POTEJ: variants seen among roughly 807,000 people sequenced by gnomAD.
POTEJ encodes the protein POTE ankyrin domain family, member J.
POTEJ carries 11 observed loss-of-function variants against 69.0 expected under a neutral mutation model. The observed-to-expected ratio is 0.16, with a 90% CI of 0.10 to 0.26. POTEJ has a LOEUF of 0.26. Among genes scored for constraint, POTEJ ranks in the 10% least tolerant of loss-of-function variants. The probability of loss-of-function intolerance (pLI) is 1.00; values close to 1 mark genes in which losing one functional copy is unlikely to be tolerated. For synonymous variants in POTEJ, 117 were observed against 381.1 expected (o/e 0.31, Z 8.07); for missense variants, 327 against 1,045.5 (o/e 0.31, Z 9.48).
intron 5 of POTEJ, among the ~76,000 whole-genome samples, chr2:130,622,604 C>T (rs1195093239): frequency 1.4e-5 from 2 of 138,430 alleles, no homozygotes; most frequent in African/African-American, 5.8e-5. Flanking sequence ...ATGAACCTTC[C>T]CCTGAGCAGT....
intron 10 of POTEJ, among the ~76,000 whole-genome samples, chr2:130,641,455 T>C (rs957987429): frequency 6.7e-6 from 1 of 148,782 alleles, no homozygotes; most frequent in Non-Finnish European, 1.5e-5. Flanking sequence ...CAGTTTTCTT[T>C]TAAATAGAAG....
In POTEJ at chr2:130,657,523, C is replaced by T. The variant is rs759791014; in HGVS notation, c.2763C>T (p.Pro921=). Residue 921 remains proline (P), a synonymous_variant, in exon 15 of 15, where the codon CCC becomes CCT. Coordinates refer to ENST00000409602, the MANE Select transcript of POTEJ (RefSeq NM_001277083.2). ...ITISNEWFRC[P]EALFQPCFLG... ...TCAGCAACGAGTGGTTCCGCTGCCC[C>T]GAGGCGCTCTTCCAGCCTTGCTTCC... is the stretch of plus-strand genomic sequence containing the variant. The T allele has an allele frequency of 9.6e-5, 151 of 1,567,794 alleles. 21 individuals carry two copies. The highest frequency in any genetic ancestry group is 1.8e-4 in the Middle Eastern group (1 of 5,554).
At chr2:130,638,256 C>A (rs1421281935) in intron 9 of POTEJ, among the ~76,000 whole-genome samples, 1 of 151,472 alleles carries the variant, frequency 6.6e-6, no homozygotes, top group East Asian at 2.0e-4. Flanking sequence ...GCAGCATAGT[C>A]CTCACTTTGT....
At chr2:130,625,821 T>C (rs1173629218) in intron 6 of POTEJ, among the ~76,000 whole-genome samples, 1 of 136,408 alleles carries the variant, frequency 7.3e-6, no homozygotes, top group Non-Finnish European at 1.6e-5. Context: ...TTTAATACTA[T>C]AGAGATGAGT....
intron 13 of POTEJ, among the ~76,000 whole-genome samples, chr2:130,648,548 A>G (rs1388919179): frequency 2.2e-5 from 3 of 136,858 alleles, no homozygotes; most frequent in African/African-American, 3.2e-5. Flanking sequence ...TTCTGTACTA[A>G]ATCTAGGCAT....
At chr2:130,629,703 A>G (rs1282897863) in intron 6 of POTEJ, among the ~76,000 whole-genome samples, 1 of 138,130 alleles carries the variant, frequency 7.2e-6, no homozygotes, top group Non-Finnish European at 1.6e-5. Context: ...TGTATTTTAA[A>G]GTTGTGTTTC....
intron 6 of POTEJ, among the ~76,000 whole-genome samples, chr2:130,626,803 A>T (rs1479571051): frequency 2.0e-5 from 3 of 152,152 alleles, no homozygotes; most frequent in Non-Finnish European, 4.4e-5. Flanking sequence ...AGGAATCTCA[A>T]CTACTTGTTT....
At chr2:130,624,443 T>C (rs1685629829) in intron 6 of POTEJ, among the ~76,000 whole-genome samples, 1 of 148,492 alleles carries the variant, frequency 6.7e-6, no homozygotes, top group South Asian at 2.1e-4. Context: ...TAGATTCTCA[T>C]ACGAAGCACA....
chr2:130,613,384 G>GTGTA (rs775956806), intron 1 of POTEJ, among the ~76,000 whole-genome samples: 7,690 of 83,562 alleles, frequency 0.092, 577 homozygotes, highest in Middle Eastern at 0.14. Flanking sequence ...GTGTGTGTGT[G>GTGTA]TATATATATA....
chr2:130,643,616 G>A lies in POTEJ; in HGVS notation c.1370-367G>A, dbSNP rs1003601608. Among the ~76,000 whole-genome samples the A allele has an allele frequency of 3.5e-5, 5 of 143,896 alleles. 2 individuals are homozygous for A. Among genetic ancestry groups the A allele is most frequent in the Non-Finnish European group, 6.2e-5 (4 of 64,354 alleles). The allele number at this position is 143,896 out of a possible 152,430, so 94.4% of individuals were successfully genotyped here. A position where few individuals can be genotyped will look rare whatever the true frequency, so the allele number is the denominator to read the frequency against. ...ATGTTGTACACTAATAAAGGTGTCA[G>A]CAGTGATTTTGGAAATCATTTATAA... is the stretch of plus-strand genomic sequence containing the variant. On this transcript the variant is annotated intron_variant, in intron 10 of 14. Coordinates refer to ENST00000409602, the MANE Select transcript of POTEJ (RefSeq NM_001277083.2).
At chr2:130,656,451 C>G in intron 14 of POTEJ, 98 bp from the exon 15 acceptor site, 3 of 1,464,726 alleles carry the variant, frequency 2.0e-6, no homozygotes, top group Non-Finnish European at 2.7e-6. Flanking sequence ...TATGGGGATT[C>G]TTTCATTATA....
At chr2:130,623,287 G>A (rs1486946668) in intron 5 of POTEJ, among the ~76,000 whole-genome samples, 17 of 44,954 alleles carry the variant, frequency 3.8e-4, no homozygotes, top group African/African-American at 2.0e-3. Flanking sequence ...TGAGTCTGTA[G>A]AGAAGGATCG....
chr2:130,626,555 G>A (rs1312746490), intron 6 of POTEJ, among the ~76,000 whole-genome samples: 3 of 151,994 alleles, frequency 2.0e-5, no homozygotes, highest in African/African-American at 7.3e-5. Context: ...TTATATGTAA[G>A]CAAACAGGCA....
intron 14 of POTEJ, among the ~76,000 whole-genome samples, chr2:130,655,619 C>G (rs918364056): frequency 6.6e-6 from 1 of 152,136 alleles, no homozygotes; most frequent in African/African-American, 2.4e-5. Flanking sequence ...TATATTTCCC[C>G]TATTTCACCA....
intron 10 of POTEJ, among the ~76,000 whole-genome samples, chr2:130,641,266 G>GT (rs1400807201): frequency 1.3e-5 from 2 of 152,156 alleles, no homozygotes; most frequent in African/African-American, 4.8e-5. Context: ...GTCAGCTATA[G>GT]TTTCCATGTC....
At chr2:130,652,923 T>C (rs1370377621) in intron 13 of POTEJ, among the ~76,000 whole-genome samples, 1 of 141,188 alleles carries the variant, frequency 7.1e-6, no homozygotes, top group Non-Finnish European at 1.6e-5. Flanking sequence ...GCGTTTTTCC[T>C]GTTGATTTGT....
intron 3 of POTEJ, among the ~76,000 whole-genome samples, chr2:130,618,475 A>C (rs1249356442): frequency 1.3e-5 from 2 of 148,626 alleles, no homozygotes; most frequent in Non-Finnish European, 3.0e-5. Context: ...ATGGTGGTGC[A>C]TGGCTGTAGT....
chr2:130,647,059 A>C (rs1483820206), intron 13 of POTEJ, among the ~76,000 whole-genome samples: 2 of 150,446 alleles, frequency 1.3e-5, no homozygotes, highest in Non-Finnish European at 2.9e-5. Flanking sequence ...TTATGTAAAA[A>C]ATTTGGAGCT....
intron 1 of POTEJ, among the ~76,000 whole-genome samples, chr2:130,614,619 G>C (rs200756846): frequency 9.9e-6 from 1 of 101,408 alleles, no homozygotes; most frequent in Non-Finnish European, 2.1e-5. Flanking sequence ...TAGAAAATAT[G>C]ATCAAACTTG....
Sources: allele counts gnomAD v4.1 joint callset (sites outside exome capture counted in the v4.1 genomes callset), GRCh38; gene constraint gnomAD v4.1.1; transcripts MANE v1.5; gene names NCBI Gene and HGNC (gene_info 2026-07-23, HGNC 2026-07-21).